ESR1: variants seen among roughly 807,000 people sequenced by gnomAD.
ESR1 encodes estrogen receptor.
In ESR1, 12 loss-of-function variants were observed where a neutral mutation model predicts 52.7. The observed-to-expected ratio is 0.23, with a 90% CI of 0.15 to 0.37. The LOEUF is 0.37. Among genes scored for constraint, ESR1 ranks in the 10% least tolerant of loss-of-function variants. The pLI, the probability that ESR1 is intolerant of heterozygous loss-of-function variation, is 1.00. For missense variants in ESR1, 584 were observed against 779.7 expected (o/e 0.75, Z 2.99); for synonymous variants, 305 against 316.8 (o/e 0.96, Z 0.39).
intron 2 of ESR1, among the ~76,000 whole-genome samples, chr6:151,713,337 A>G (rs1288571290): frequency 6.6e-6 from 1 of 152,160 alleles, no homozygotes; most frequent in Non-Finnish European, 1.5e-5. Context: ...TGGTATCAGG[A>G]TGATGCTGGC....
chr6:151,744,623 T>C (rs1783349377), intron 2 of ESR1, among the ~76,000 whole-genome samples: 1 of 152,240 alleles, frequency 6.6e-6, no homozygotes, highest in Non-Finnish European at 1.5e-5. Context: ...TAGACCCTTA[T>C]CAAATATATG....
At chr6:151,897,798 T>G (rs907841160) in intron 3 of ESR1, among the ~76,000 whole-genome samples, 2 of 152,212 alleles carry the variant, frequency 1.3e-5, no homozygotes, top group African/African-American at 4.8e-5. Context: ...ATTTACACAT[T>G]AAGGAGGTTC....
chr6:151,987,900 C>A (rs558823987), intron 4 of ESR1, among the ~76,000 whole-genome samples: 1 of 152,132 alleles, frequency 6.6e-6, no homozygotes, highest in East Asian at 1.9e-4. Flanking sequence ...ATATGTATAT[C>A]CTTCCCCCAA....
chr6:151,657,773 C>G (rs535624621), intron 1 of ESR1, among the ~76,000 whole-genome samples: 10 of 152,160 alleles, frequency 6.6e-5, no homozygotes, highest in African/African-American at 2.4e-4. Context: ...TCAAAAATAG[C>G]TTATTGAAAT....
intron 5 of ESR1, among the ~76,000 whole-genome samples, chr6:152,054,865 C>T (rs1016356949): frequency 6.6e-6 from 1 of 152,142 alleles, no homozygotes; most frequent in African/African-American, 2.4e-5. Context: ...ACTATTTGTT[C>T]CTTTACTGAT....
chr6:151,783,706 A>G (rs1786762254), intron 2 of ESR1, among the ~76,000 whole-genome samples: 1 of 152,224 alleles, frequency 6.6e-6, no homozygotes, highest in Admixed American at 6.5e-5. Flanking sequence ...GTATATTACA[A>G]TTAATGAACC....
intron 5 of ESR1, among the ~76,000 whole-genome samples, chr6:152,045,258 G>T (rs1202406135): frequency 6.6e-6 from 1 of 152,218 alleles, no homozygotes; most frequent in African/African-American, 2.4e-5. Flanking sequence ...CTGGTACCAA[G>T]CTGCCAAGTC....
At chr6:151,933,495 A>T (rs1278209117) in intron 3 of ESR1, among the ~76,000 whole-genome samples, 1 of 150,686 alleles carries the variant, frequency 6.6e-6, no homozygotes, top group African/African-American at 2.4e-5. Context: ...CACTATGTTG[A>T]ATAGGAGCGG....
At chr6:152,064,470 T>A (rs2047805176) in intron 6 of ESR1, among the ~76,000 whole-genome samples, 1 of 152,244 alleles carries the variant, frequency 6.6e-6, no homozygotes, top group African/African-American at 2.4e-5. Context: ...ATGAATTTCC[T>A]CTCTAGACTA....
At chr6:151,817,727 C>A (rs901297123) in intron 1 of ESR1, among the ~76,000 whole-genome samples, 9 of 152,210 alleles carry the variant, frequency 5.9e-5, no homozygotes, top group African/African-American at 2.2e-4. Flanking sequence ...CAAACACACA[C>A]CTGTGCCAGT....
At chr6:152,001,785 GCT>G (rs1562654266) in intron 4 of ESR1, among the ~76,000 whole-genome samples, 1 of 151,988 alleles carries the variant, frequency 6.6e-6, no homozygotes, top group African/African-American at 2.4e-5. Flanking sequence ...TTGGTTGGTT[GCT>G]CTCTCTCTTT....
chr6:151,788,865 T>A (rs1317015624), intron 2 of ESR1, among the ~76,000 whole-genome samples: 1 of 152,154 alleles, frequency 6.6e-6, no homozygotes, highest in Non-Finnish European at 1.5e-5. Context: ...GAAAACCTAA[T>A]ACTGCATGTT....
At chr6:151,945,333 G>A (rs3003917) in intron 4 of ESR1, among the ~76,000 whole-genome samples, 110,548 of 152,178 alleles carry the variant, frequency 0.73, 41,109 homozygotes, top group Middle Eastern at 0.86. Flanking sequence ...TATGCTTAGT[G>A]TTTTAGGAGA....
At chr6:151,703,889 TGAAA>T (rs921990071) in intron 2 of ESR1, among the ~76,000 whole-genome samples, 4 of 152,220 alleles carry the variant, frequency 2.6e-5, no homozygotes, top group African/African-American at 9.6e-5. Flanking sequence ...GCTGAGATTT[TGAAA>T]GAGACCTGAG....
At chr6:151,932,172 G>A (rs2033721174) in intron 3 of ESR1, among the ~76,000 whole-genome samples, 1 of 151,916 alleles carries the variant, frequency 6.6e-6, no homozygotes, top group African/African-American at 2.4e-5. Flanking sequence ...GTATCTCATT[G>A]TGGTTTTGAT....
intron 5 of ESR1, among the ~76,000 whole-genome samples, chr6:152,032,215 C>T (rs1398408027): frequency 1.3e-5 from 2 of 152,188 alleles, no homozygotes; most frequent in Non-Finnish European, 2.9e-5. Flanking sequence ...GGAGCATTCC[C>T]TTTGAAAACT....
chr6:151,913,922 A>G (rs772938406), intron 3 of ESR1, among the ~76,000 whole-genome samples: 2 of 152,150 alleles, frequency 1.3e-5, no homozygotes, highest in East Asian at 3.8e-4. Context: ...ATTTTAAAAA[A>G]TTATTCTTGT....
chr6:151,759,360 A>T (rs1458769937), intron 2 of ESR1, among the ~76,000 whole-genome samples: 1 of 151,878 alleles, frequency 6.6e-6, no homozygotes, highest in African/African-American at 2.4e-5. Flanking sequence ...CTGCTGATCT[A>T]TTAAAATTAT....
intron 5 of ESR1, among the ~76,000 whole-genome samples, chr6:152,029,223 A>T (rs1442104934): frequency 1.3e-5 from 2 of 152,218 alleles, no homozygotes; most frequent in Non-Finnish European, 2.9e-5. Flanking sequence ...AAGTTCTAAA[A>T]ATCAGAGCAC....
Sources: gnomAD v4.1 joint callset for allele counts (sites outside exome capture counted in the v4.1 genomes callset) on GRCh38, gnomAD v4.1.1 for gene constraint, MANE v1.5 for transcripts, NCBI Gene and HGNC (gene_info 2026-07-23, HGNC 2026-07-21) for gene names.